Variants in SV2C observed in about 807,000 individuals in gnomAD.
SV2C encodes synaptic vesicle glycoprotein 2C, also known as solute carrier family 22 member B3.
SV2C carries 49 observed loss-of-function variants against 79.7 expected under a neutral mutation model. That is an observed-to-expected ratio of 0.61 (90% confidence interval 0.49 to 0.78). The LOEUF (loss-of-function observed/expected upper bound fraction) is 0.78, where lower values mean the gene tolerates loss of function less well. Among genes scored for constraint, SV2C ranks in the 30% least tolerant of loss-of-function variants. The pLI, the probability that SV2C is intolerant of heterozygous loss-of-function variation, is 0.00. For missense variants in SV2C, 833 were observed against 912.9 expected, an observed-to-expected ratio of 0.91 and a Z score of 1.13; for synonymous variants, 334 against 333.2, an observed-to-expected ratio of 1.00 and a Z score of -0.03.
At chr5:75,912,084 A>G in the SV2C span, among the ~76,000 whole-genome samples, 1 of 152,166 alleles carries the variant, frequency 6.6e-6, no homozygotes, top group Non-Finnish European at 1.5e-5. Flanking sequence ...AGAACATTAG[A>G]CTCAAGGAAT....
At chr5:76,002,170 GTATATA>G in the SV2C span, among the ~76,000 whole-genome samples, 69,214 of 150,364 alleles carry the variant, frequency 0.46, 16,664 homozygotes, top group Middle Eastern at 0.63. Context: ...TTTTGTGTGT[GTATATA>G]TATATATATA....
At chr5:76,200,147 C>G (rs1374152652) in intron 3 of SV2C, among the ~76,000 whole-genome samples, 1 of 152,232 alleles carries the variant, frequency 6.6e-6, no homozygotes, top group East Asian at 1.9e-4. Flanking sequence ...GGTGTTTTAG[C>G]TCAGGTCTGT....
intron 3 of SV2C, among the ~76,000 whole-genome samples, chr5:76,206,263 C>T (rs1368875394): frequency 6.6e-6 from 1 of 152,130 alleles, no homozygotes; most frequent in East Asian, 1.9e-4. Flanking sequence ...TATCTCTTCC[C>T]TAAACATTTT....
intron 1 of SV2C, among the ~76,000 whole-genome samples, chr5:76,105,329 G>A (rs370627895): frequency 2.0e-5 from 3 of 152,108 alleles, no homozygotes; most frequent in Non-Finnish European, 4.4e-5. Flanking sequence ...GTTGCTTTAA[G>A]TCATGAGGAT....
At chr5:76,275,544 G>A (rs2112480399) in intron 4 of SV2C, among the ~76,000 whole-genome samples, 1 of 152,132 alleles carries the variant, frequency 6.6e-6, no homozygotes, top group Non-Finnish European at 1.5e-5. Flanking sequence ...AGCAAAGTAG[G>A]TGTCAAGTCC....
chr5:75,972,357 C>T, the SV2C span, among the ~76,000 whole-genome samples: 3 of 152,008 alleles, frequency 2.0e-5, no homozygotes, highest in East Asian at 5.8e-4. Context: ...AGCTTCTGCA[C>T]AGCAAAAGAA....
intron 12 of SV2C, among the ~76,000 whole-genome samples, chr5:76,315,821 G>A (rs188954565): frequency 2.0e-5 from 3 of 152,136 alleles, no homozygotes; most frequent in African/African-American, 7.2e-5. Context: ...GAAGCCTTTG[G>A]GTTGGATCCC....
At chr5:76,256,193 C>T (rs1055068957) in intron 4 of SV2C, among the ~76,000 whole-genome samples, 3 of 152,176 alleles carry the variant, frequency 2.0e-5, no homozygotes, top group African/African-American at 7.2e-5. Context: ...GCCTTCCAGT[C>T]TGTATCTGTC....
chr5:75,991,597 A>ATT, the SV2C span, among the ~76,000 whole-genome samples: 5 of 148,736 alleles, frequency 3.4e-5, no homozygotes, highest in Non-Finnish European at 7.4e-5. Context: ...ACACATATAT[A>ATT]TATATATGGA....
the SV2C span, among the ~76,000 whole-genome samples, chr5:75,857,631 G>A: frequency 2.0e-5 from 3 of 152,098 alleles, no homozygotes; most frequent in African/African-American, 7.2e-5. Flanking sequence ...TATTTTTCCT[G>A]TTTCTGTGAA....
chr5:75,868,840 G>A, the SV2C span, among the ~76,000 whole-genome samples: 1 of 152,118 alleles, frequency 6.6e-6, no homozygotes, highest in Admixed American at 6.6e-5. Context: ...CTGTAAATAT[G>A]TCCTCTGACC....
At chr5:75,931,360 C>T in the SV2C span, among the ~76,000 whole-genome samples, 1 of 152,154 alleles carries the variant, frequency 6.6e-6, no homozygotes, top group African/African-American at 2.4e-5. Context: ...CAATCATCTG[C>T]CATGAGTCTC....
At chr5:76,109,231 C>A (rs1359953526) in intron 1 of SV2C, among the ~76,000 whole-genome samples, 1 of 152,106 alleles carries the variant, frequency 6.6e-6, no homozygotes, top group African/African-American at 2.4e-5. Context: ...CATAAATATT[C>A]TATCTTTCTT....
chr5:76,030,908 A>G, the SV2C span, among the ~76,000 whole-genome samples: 30 of 152,346 alleles, frequency 2.0e-4, no homozygotes, highest in East Asian at 4.0e-3. Flanking sequence ...ATAGTTAATA[A>G]TAAGTATGAT....
intron 4 of SV2C, among the ~76,000 whole-genome samples, chr5:76,272,056 T>C (rs1294272790): frequency 1.3e-5 from 2 of 152,120 alleles, no homozygotes. Flanking sequence ...GTTTCAATTG[T>C]CAAGTGTTAA....
intron 12 of SV2C, among the ~76,000 whole-genome samples, chr5:76,320,101 C>T (rs1748778569): frequency 6.6e-6 from 1 of 151,166 alleles, no homozygotes; most frequent in Non-Finnish European, 1.5e-5. Flanking sequence ...TGCTTGAGCC[C>T]AGGAGTTCAA....
chr5:76,100,723 T>A (rs1185818546), intron 1 of SV2C, among the ~76,000 whole-genome samples: 1 of 152,094 alleles, frequency 6.6e-6, no homozygotes, highest in Non-Finnish European at 1.5e-5. Flanking sequence ...GTAAAAGAAG[T>A]CCAGAACTCC....
the SV2C span, among the ~76,000 whole-genome samples, chr5:75,945,225 A>G: frequency 6.6e-6 from 1 of 152,268 alleles, no homozygotes; most frequent in South Asian, 2.1e-4. Flanking sequence ...AAAATATAGT[A>G]TCTGAAGACC....
At chr5:75,976,644 T>C in the SV2C span, among the ~76,000 whole-genome samples, 1 of 152,178 alleles carries the variant, frequency 6.6e-6, no homozygotes, top group African/African-American at 2.4e-5. Flanking sequence ...AATCCATTTC[T>C]AGATCCATTT....
Sources: gnomAD v4.1 joint callset for allele counts (sites outside exome capture counted in the v4.1 genomes callset) on GRCh38, gnomAD v4.1.1 for gene constraint, MANE v1.5 for transcripts, NCBI Gene and HGNC (gene_info 2026-07-23, HGNC 2026-07-21) for gene names.